FCER1G: variants seen among roughly 807,000 people sequenced by gnomAD.
The protein encoded by FCER1G is high affinity immunoglobulin epsilon receptor subunit gamma.
A neutral mutation model predicts 17.3 loss-of-function variants in FCER1G; 7 were observed. That is an observed-to-expected ratio of 0.40 (90% CI 0.23 to 0.76). FCER1G has a LOEUF of 0.76. FCER1G is among the 30% of genes least tolerant of loss of function. The pLI, the probability that FCER1G is intolerant of heterozygous loss-of-function variation, is 0.35. For missense variants in FCER1G, 87 were observed against 97.7 expected (o/e 0.89, Z 0.46); for synonymous variants, 35 against 38.7 (o/e 0.90, Z 0.35).
rs759813248 is a variant in FCER1G, at chr1:161,218,321, C to T, written c.177+45C>T. 1.9e-6 allele frequency: 3 copies of T among 1,547,196 alleles called. No homozygotes were observed. In the Admixed American group the frequency reaches 5.0e-5, roughly 26 times the overall value. ...TGGTGTGGACAACTTTTCAGACCCT[C>T]AGCCCTCCTGGGGCTCTAGCCTGGG... On this transcript the variant is annotated intron_variant, in intron 3 of 4. Coordinates refer to ENST00000289902, the MANE Select transcript of FCER1G (RefSeq NM_004106.2).
chr1:161,219,011 C>A lies in FCER1G; in HGVS notation c.*68C>A. 1 of 1,173,070 alleles carries A rather than the reference C, an allele frequency of 8.5e-7. No homozygotes were observed. Among genetic ancestry groups the A allele is most frequent in the Non-Finnish European group, 1.3e-6 (1 of 778,946 alleles). The allele number at this position is 1,173,070 out of a possible 1,614,324, so 72.7% of individuals were successfully genotyped here. A position where few individuals can be genotyped will look rare whatever the true frequency, so the allele number is the denominator to read the frequency against. ...CTTCCAGCCCTCATGGTTGGCATCA[C>A]ATATGCCTGCATGCCATTAACACCA... is the stretch of plus-strand genomic sequence containing the variant. On this transcript the variant is annotated 3_prime_UTR_variant, in exon 5 of 5. Coordinates refer to ENST00000289902, the MANE Select transcript of FCER1G (RefSeq NM_004106.2).
At chr1:161,217,332 A>G (rs756676560) in intron 1 of FCER1G, among the ~76,000 whole-genome samples, 1 of 151,194 alleles carries the variant, frequency 6.6e-6, no homozygotes, top group Non-Finnish European at 1.5e-5. Flanking sequence ...TCATTCCCCC[A>G]GCCTTGTGTT....
intron 3 of FCER1G, among the ~76,000 whole-genome samples, 168 bp from the exon 4 acceptor site, chr1:161,218,535 G>A (rs1666096125): frequency 6.6e-6 from 1 of 152,192 alleles, no homozygotes; most frequent in South Asian, 2.1e-4. Context: ...ATGTGTGCTT[G>A]TAGCCATGTG....
At position 161,215,476 on chromosome 1, in the gene FCER1G, G is replaced by A. The variant is rs1283501429; in HGVS notation, c.49+106G>A. ...ACAGGTGAAGGAAGGCTGACAGTGG[G>A]TAGGTGGGCATAGGGAGACCCTGAG... On this transcript the variant is annotated intron_variant, in intron 1 of 4. Coordinates refer to ENST00000289902, the MANE Select transcript of FCER1G (RefSeq NM_004106.2). 64 of 1,009,906 alleles carry A rather than the reference G, an allele frequency of 6.3e-5. No individual in the cohort carries two copies. The South Asian group carries it at 7.6e-4, about 12-fold the overall frequency. The allele number at this position is 1,009,906 out of a possible 1,614,324, so 62.6% of individuals were successfully genotyped here. A position where few individuals can be genotyped will look rare whatever the true frequency, so the allele number is the denominator to read the frequency against.
chr1:161,217,325 T>A lies in FCER1G; in HGVS notation c.50-661T>A, dbSNP rs898371434. Among the ~76,000 whole-genome samples the A allele has an allele frequency of 1.1e-4, 16 of 151,792 alleles. 1 individual carries two copies. The highest frequency in any genetic ancestry group is 9.8e-4 in the Admixed American group (15 of 15,256). ...GCTGGAATCCATATAGCTGTGGTCATTCCCCCAGCCTTGTGTTCAGGGCCA... is the reference window on the plus strand; with the variant it reads ...GCTGGAATCCATATAGCTGTGGTCAATCCCCCAGCCTTGTGTTCAGGGCCA... On this transcript the variant is annotated intron_variant, in intron 1 of 4. Coordinates refer to ENST00000289902, the MANE Select transcript of FCER1G (RefSeq NM_004106.2).
intron 4 of FCER1G, 60 bp from the exon 5 acceptor site, chr1:161,218,821 A>G: frequency 2.1e-6 from 3 of 1,443,404 alleles, no homozygotes; most frequent in Non-Finnish European, 2.9e-6. Flanking sequence ...GGTCCTGTGG[A>G]GGTGGGAGGG....
intron 1 of FCER1G, among the ~76,000 whole-genome samples, chr1:161,217,385 CTTTTTTTTTTT>C (rs748410818): frequency 4.1e-5 from 5 of 121,390 alleles, no homozygotes; most frequent in Non-Finnish European, 5.2e-5. Context: ...AACAGACACA[CTTTTTTTTTTT>C]TTTTTTTTTT....
Position 161,219,163 on chromosome 1 carries a change from C to T in FCER1G, c.*220C>T, listed in dbSNP as rs1460647976. Reference sequence around the variant, plus strand: ...TTATATTCTAGTCTCACTCTCTTGTCCCACCCTTCTTCTCTTCCCCATTCC... The same window carrying T: ...TTATATTCTAGTCTCACTCTCTTGTTCCACCCTTCTTCTCTTCCCCATTCC... On this transcript the variant is annotated 3_prime_UTR_variant, in exon 5 of 5. Transcript: ENST00000289902. 3.6e-6 allele frequency: 2 copies of T among 563,106 alleles called. No individual in the cohort carries two copies. The highest frequency in any genetic ancestry group is 1.9e-5 in the African/African-American group (1 of 53,144). The allele number at this position is 563,106 out of a possible 1,614,324, so 34.9% of individuals were successfully genotyped here.
Position 161,215,379 on chromosome 1 carries a change from G to A in FCER1G, c.49+9G>A, listed in dbSNP as rs1469027633. On this transcript the variant is annotated intron_variant, in intron 1 of 4. Transcript: ENST00000289902. ...TTTGGTTGAACAAGCAGGTAAGAGG[G>A]TTTGGTGAGGGATAGCGTGAGCTGG... 2 of 1,612,518 alleles carry A rather than the reference G, an allele frequency of 1.2e-6. No homozygotes were observed. Among genetic ancestry groups the A allele is most frequent in the Non-Finnish European group, 1.7e-6 (2 of 1,178,848 alleles).
At position 161,218,248 on chromosome 1, in the gene FCER1G, T is replaced by C. The variant is rs752628639; in HGVS notation, c.149T>C (p.Val50Ala). The C allele has an allele frequency of 1.1e-5, 18 of 1,613,722 alleles. No homozygotes were observed. Among genetic ancestry groups the C allele is most frequent in the Non-Finnish European group, 1.5e-5 (18 of 1,179,738 alleles). The change falls in exon 3 of 5, where the codon GTG becomes GCG. Residue 50 changes from valine to alanine, a missense_variant. Physicochemically the swap from Val to Ala is moderately conservative, Grantham distance 64. Coordinates refer to ENST00000289902, the MANE Select transcript of FCER1G (RefSeq NM_004106.2). ...TLLYCRLKIQVRKAAITSYEK... is the reference protein window; with the variant it reads ...TLLYCRLKIQARKAAITSYEK... ...ACCTTTCCCCCATTCCAGATCCAAGTGCGAAAGGCAGCTATAACCAGCTAT... is the reference window on the plus strand; with the variant it reads ...ACCTTTCCCCCATTCCAGATCCAAGCGCGAAAGGCAGCTATAACCAGCTAT...
At chr1:161,216,956 C>G (rs1666066066) in intron 1 of FCER1G, among the ~76,000 whole-genome samples, 1 of 152,164 alleles carries the variant, frequency 6.6e-6, no homozygotes, top group Admixed American at 6.5e-5. Context: ...GGCAGAAAAC[C>G]TGCATTTGAG....
intron 1 of FCER1G, among the ~76,000 whole-genome samples, chr1:161,216,425 T>TAGAGAGAGAGAG (rs747074278): frequency 2.1e-5 from 3 of 140,782 alleles, no homozygotes; most frequent in Admixed American, 7.2e-5. Flanking sequence ...TATATATATA[T>TAGAGAGAGAGAG]ATAGAGAGAG....
At position 161,215,383 on chromosome 1, in the gene FCER1G, G is replaced by T; in HGVS notation, c.49+13G>T. Reference sequence around the variant, plus strand: ...GTTGAACAAGCAGGTAAGAGGGTTTGGTGAGGGATAGCGTGAGCTGGCTCC... The same window carrying T: ...GTTGAACAAGCAGGTAAGAGGGTTTTGTGAGGGATAGCGTGAGCTGGCTCC... On this transcript the variant is annotated intron_variant, in intron 1 of 4. Transcript: ENST00000289902. 1 of 1,612,186 alleles carries T rather than the reference G, an allele frequency of 6.2e-7. No homozygotes were observed. The highest frequency in any genetic ancestry group is 1.1e-5 in the South Asian group (1 of 91,048).
chr1:161,216,686 C>CT (rs1460564740), intron 1 of FCER1G, among the ~76,000 whole-genome samples: 1 of 152,106 alleles, frequency 6.6e-6, no homozygotes, highest in Non-Finnish European at 1.5e-5. Flanking sequence ...CAGCCACTAT[C>CT]TAAGAATTCT....
rs1018738923 is a variant in FCER1G, at chr1:161,219,225, A to G, written c.*282A>G. The G allele has an allele frequency of 4.1e-6, 2 of 483,636 alleles. No homozygotes were observed. Among genetic ancestry groups the G allele is most frequent in the Admixed American group, 3.8e-5 (1 of 26,110 alleles). The allele number at this position is 483,636 out of a possible 1,614,324, so 30.0% of individuals were successfully genotyped here. ...AAAATATGGGAAGGGAGAACCCCCA[A>G]TAAAACTGCCATGGACTGGACTCTA... is the stretch of plus-strand genomic sequence containing the variant. On this transcript the variant is annotated 3_prime_UTR_variant, in exon 5 of 5. Transcript: ENST00000289902.
intron 1 of FCER1G, among the ~76,000 whole-genome samples, chr1:161,215,998 G>T (rs1005847420): frequency 1.6e-4 from 24 of 152,222 alleles, no homozygotes; most frequent in African/African-American, 5.8e-4. Context: ...GTGCTACTGT[G>T]CCTGGCTGAC....
intron 1 of FCER1G, among the ~76,000 whole-genome samples, chr1:161,217,385 C>CTTTTTTTTTT (rs748410818): frequency 1.6e-5 from 2 of 121,390 alleles, no homozygotes; most frequent in Non-Finnish European, 1.7e-5. Flanking sequence ...AACAGACACA[C>CTTTTTTTTTT]TTTTTTTTTT....
At chr1:161,216,922 A>G (rs991700689) in intron 1 of FCER1G, among the ~76,000 whole-genome samples, 4 of 152,232 alleles carry the variant, frequency 2.6e-5, no homozygotes, top group African/African-American at 9.6e-5. Flanking sequence ...CCGCTGAGGC[A>G]CAAAGGAAAG....
chr1:161,216,865 T>C (rs1666065037), intron 1 of FCER1G, among the ~76,000 whole-genome samples: 1 of 152,046 alleles, frequency 6.6e-6, no homozygotes, highest in Non-Finnish European at 1.5e-5. Flanking sequence ...GGAGCAAGTA[T>C]TAAGTTAGCC....
Sources: gnomAD v4.1 joint callset for allele counts (sites outside exome capture counted in the v4.1 genomes callset) on GRCh38, gnomAD v4.1.1 for gene constraint, MANE v1.5 for transcripts, NCBI Gene and HGNC (gene_info 2026-07-23, HGNC 2026-07-21) for gene names.